The following EVC variants were observed in gnomAD, a reference collection of about 807,000 sequenced individuals.
The protein encoded by EVC is evC complex member EVC.
A neutral mutation model predicts 118.9 loss-of-function variants in EVC; 116 were observed. The observed-to-expected ratio is 0.98, with a 90% CI of 0.84 to 1.14. The LOEUF (loss-of-function observed/expected upper bound fraction) is 1.14. Among genes scored for constraint, EVC ranks in the 50% most tolerant of loss-of-function variants. The probability of loss-of-function intolerance (pLI) is 0.00; values close to 1 mark genes in which losing one functional copy is unlikely to be tolerated. For missense variants in EVC, 1,401 were observed against 1,246.4 expected, an observed-to-expected ratio of 1.12 and a Z score of -1.87; for synonymous variants, 619 against 534.7, an observed-to-expected ratio of 1.16 and a Z score of -2.18.
chr4:5,806,739 A>G (rs1413098629), intron 17 of EVC, among the ~76,000 whole-genome samples: 5 of 152,162 alleles, frequency 3.3e-5, no homozygotes, highest in African/African-American at 9.7e-5. Context: ...TGGTCATTCT[A>G]TTTTTAGTTC....
intron 11 of EVC, among the ~76,000 whole-genome samples, chr4:5,757,327 AG>A (rs2152101362): frequency 6.6e-6 from 1 of 152,322 alleles, no homozygotes; most frequent in South Asian, 2.1e-4. Context: ...GGATGAGACC[AG>A]GCCCAAGTGG....
At chr4:5,773,751 A>C (rs1210590350) in intron 11 of EVC, among the ~76,000 whole-genome samples, 4 of 151,994 alleles carry the variant, frequency 2.6e-5, no homozygotes, top group South Asian at 2.1e-4. Flanking sequence ...CAGGTGCCAG[A>C]GCTCCTGCCC....
At chr4:5,729,473 G>T (rs1726435234) in intron 3 of EVC, 83 bp downstream of exon 3, 1 of 1,330,894 alleles carries the variant, frequency 7.5e-7, no homozygotes, top group Non-Finnish European at 1.1e-6. Context: ...GGGATTAACT[G>T]TGTGATGTTT....
chr4:5,744,799 A>T (rs1183896860), intron 6 of EVC, among the ~76,000 whole-genome samples: 2 of 152,104 alleles, frequency 1.3e-5, no homozygotes, highest in Admixed American at 6.5e-5. Flanking sequence ...CCTTTAAACC[A>T]ACCAATCAAA....
chr4:5,767,831 C>T (rs573058610), intron 11 of EVC, among the ~76,000 whole-genome samples: 1 of 152,288 alleles, frequency 6.6e-6, no homozygotes, highest in East Asian at 1.9e-4. Context: ...AACCCAGTAC[C>T]TCATGTGGAA....
the EVC span, chr4:5,824,395 T>TCATG: frequency 2.0e-6 from 2 of 985,372 alleles, no homozygotes; most frequent in Non-Finnish European, 2.4e-6. Flanking sequence ...CCTCCTTGAT[T>TCATG]CATGCCTCCT....
chr4:5,785,116 C>G (rs1435414750), intron 12 of EVC, among the ~76,000 whole-genome samples: 1 of 152,182 alleles, frequency 6.6e-6, no homozygotes, highest in East Asian at 1.9e-4. Flanking sequence ...AAGCAAAGGG[C>G]TTCTGTTTCC....
chr4:5,821,701 G>T, the EVC span: 1 of 1,489,870 alleles, frequency 6.7e-7, no homozygotes. This position sits in a 1 kb window ranked among gnomAD's most constrained non-coding sequence, Gnocchi z 4.4. Flanking sequence ...ACACTGACAG[G>T]AAAAGGGATG....
chr4:5,799,415 A>G (rs1320927783), intron 15 of EVC, among the ~76,000 whole-genome samples: 1 of 152,222 alleles, frequency 6.6e-6, no homozygotes, highest in Non-Finnish European at 1.5e-5. Flanking sequence ...TTGCATGGTC[A>G]GGATCATTTT....
At chr4:5,757,468 A>G (rs960316502) in intron 11 of EVC, among the ~76,000 whole-genome samples, 10 of 152,230 alleles carry the variant, frequency 6.6e-5, no homozygotes, top group Non-Finnish European at 1.3e-4. Context: ...TGCCGTGGTG[A>G]ATACCACTGA....
rs1458861672 is a variant in EVC at position 5,808,187 on chromosome 4, C to G, written c.2562-14C>G. On this transcript the variant is annotated splice_polypyrimidine_tract_variant and intron_variant, in intron 17 of 20. Transcript: ENST00000264956. ...CCTTCCTCCCTGCCAGCCTGCCTGC[C>G]TTCCTCCCCCCAGGATGCTGTCCCA... 1.2e-6 allele frequency: 2 copies of G among 1,603,604 alleles called. No individual in the cohort carries two copies. The highest frequency in any genetic ancestry group is 1.3e-5 in the African/African-American group (1 of 74,208).
intron 17 of EVC, 115 bp from the exon 18 acceptor site, chr4:5,808,086 C>T (rs1716213177): frequency 1.2e-6 from 1 of 855,574 alleles, no homozygotes; most frequent in Non-Finnish European, 1.8e-6. Flanking sequence ...GATGGCCAGG[C>T]CCCTCTTGGG....
At chr4:5,759,022 A>G (rs1731607178) in intron 11 of EVC, among the ~76,000 whole-genome samples, 1 of 151,248 alleles carries the variant, frequency 6.6e-6, no homozygotes, top group Non-Finnish European at 1.5e-5. Flanking sequence ...TTATGTGATT[A>G]TTCATAAGGG....
rs1394529980 is a variant in EVC, at chr4:5,731,425, C to A, written c.385C>A (p.Pro129Thr). 1 of 1,613,024 alleles carries A rather than the reference C, an allele frequency of 6.2e-7. No homozygotes were observed. Among genetic ancestry groups the A allele is most frequent in the Non-Finnish European group, 8.5e-7 (1 of 1,179,478 alleles). Reference protein sequence around the residue: ...VIYPINQKFRPLADGSSNPSL... With the variant: ...VIYPINQKFRTLADGSSNPSL... ...AGTGTGACTCCTACTGCCACCCCAG[C>A]CTCTGGCCGATGGCTCCTCCAACCC... Residue 129 changes from proline (P) to threonine (T), a missense_variant and splice_region_variant, in exon 4 of 21, where the codon CCT (proline) becomes ACT (threonine). Physicochemically the swap from Pro to Thr is conservative, Grantham distance 38. Coordinates refer to ENST00000264956, the MANE Select transcript of EVC (RefSeq NM_153717.3). The surrounding 1 kb of genome is among the most constrained non-coding windows in gnomAD (Gnocchi z 5.6).
rs372267517 is a variant in EVC, at chr4:5,797,158, C to A, written c.2023C>A (p.Arg675=). Residue 675 remains arginine, a synonymous_variant, in exon 14 of 21, where the codon CGG becomes AGG. Transcript: ENST00000264956. ...GAAGAAGCACCTCCTGCAGGAGCTG[C>A]GGGAACAGCGTGCACTGGAGCAGGG... ...SGKKHLLQEL[R]EQRALEQGSS... The A allele has an allele frequency of 1.2e-6, 2 of 1,613,474 alleles. No individual in the cohort carries two copies. The highest frequency in any genetic ancestry group is 2.7e-5 in the African/African-American group (2 of 74,956).
rs952548154 is a variant in EVC, at chr4:5,743,390, A to G, written c.801+1576A>G. On this transcript the variant is annotated intron_variant, in intron 6 of 20. Coordinates refer to ENST00000264956, the MANE Select transcript of EVC (RefSeq NM_153717.3). This position sits in a 1 kb window ranked among gnomAD's most constrained non-coding sequence, Gnocchi z 4.7. ...AGCCTCTTATTCATCATCCCCTGCC[A>G]TCATTTTCATTATCATCATCATTGT... 3.9e-5 allele frequency among the ~76,000 whole-genome samples: 6 copies of G among 152,144 alleles called. No individual in the cohort carries two copies. Among genetic ancestry groups the G allele is most frequent in the African/African-American group, 9.7e-5 (4 of 41,428 alleles).
intron 11 of EVC, among the ~76,000 whole-genome samples, chr4:5,760,699 T>G (rs1175258005): frequency 6.6e-6 from 1 of 152,128 alleles, no homozygotes; most frequent in Non-Finnish European, 1.5e-5. Flanking sequence ...ATTACAGGCA[T>G]GTGCCACCAC....
chr4:5,717,330 ATTTG>A (rs1383096999), intron 1 of EVC, among the ~76,000 whole-genome samples: 1 of 151,714 alleles, frequency 6.6e-6, no homozygotes, highest in Non-Finnish European at 1.5e-5. Flanking sequence ...TTAGTTGTTT[ATTTG>A]TTTAAAGTTT....
chr4:5,729,914 G>C (rs1466410040), intron 3 of EVC, among the ~76,000 whole-genome samples: 2 of 152,222 alleles, frequency 1.3e-5, no homozygotes, highest in Non-Finnish European at 2.9e-5. Flanking sequence ...GGCAGAGCCA[G>C]AGTCAGACCC....
Sources: allele counts gnomAD v4.1 joint callset (sites outside exome capture counted in the v4.1 genomes callset), GRCh38; gene constraint gnomAD v4.1.1; non-coding constraint Gnocchi (gnomAD v3.1); transcripts MANE v1.5; gene names NCBI Gene and HGNC (gene_info 2026-07-23, HGNC 2026-07-21).